DPYD: variants seen among roughly 807,000 people sequenced by gnomAD.
DPYD encodes dihydropyrimidine dehydrogenase, also known as dihydropyrimidine dehydrogenase [NADP(+)].
In DPYD, 109 loss-of-function variants were observed where a neutral mutation model predicts 116.2. That is an observed-to-expected ratio of 0.94 (90% CI 0.80 to 1.10). DPYD has a LOEUF of 1.10. Ranked by LOEUF, DPYD falls within the 50% of genes least tolerant of loss-of-function variation. The probability of loss-of-function intolerance (pLI) is 0.00; values close to 1 mark genes in which losing one functional copy is unlikely to be tolerated. For synonymous variants in DPYD, 440 were observed against 432.0 expected, an observed-to-expected ratio of 1.02 and a Z score of -0.23; for missense variants, 1,302 against 1,254.5, an observed-to-expected ratio of 1.04 and a Z score of -0.57.
chr1:97,552,863 T>C (rs1044452719), intron 11 of DPYD, among the ~76,000 whole-genome samples: 1 of 151,954 alleles, frequency 6.6e-6, no homozygotes, highest in African/African-American at 2.4e-5. Context: ...TGTTCCTAAT[T>C]TCATTCCAGA....
rs1298303801 is a variant in DPYD, at chr1:97,288,326, C to T, written c.2299+16933G>A. 4.0e-5 allele frequency among the ~76,000 whole-genome samples: 6 copies of T among 150,778 alleles called. No individual in the cohort carries two copies. The South Asian group carries it at 1.1e-3, about 27-fold the overall frequency. On this transcript the variant is annotated intron_variant, in intron 18 of 22. Transcript: ENST00000370192. ...CACAGGAATTCAACTCAGCTCTGCA[C>T]CAAGGGGACCTAATAGACATCTACA... is the stretch of plus-strand genomic sequence containing the variant.
rs542269395 is a variant in DPYD, at chr1:97,429,432, A to T, written c.1905+20627T>A. On this transcript the variant is annotated intron_variant, in intron 14 of 22. Transcript: ENST00000370192. ...TTCATCTGCCTTAATCATAAACAGA[A>T]AGAAGTATCTTATTTTCTCTTTATT... Among the ~76,000 whole-genome samples, 11 of 152,186 alleles carry T rather than the reference A, an allele frequency of 7.2e-5. No individual in the cohort carries two copies. In the South Asian group the frequency reaches 2.3e-3, roughly 32 times the overall value.
chr1:97,837,848 T>C (rs147205659), intron 2 of DPYD, among the ~76,000 whole-genome samples: 15 of 152,232 alleles, frequency 9.9e-5, no homozygotes, highest in African/African-American at 3.4e-4. Context: ...AGTAGGCAAA[T>C]AGAAGCAGGG....
intron 5 of DPYD, chr1:97,720,635 TG>T (rs1195904732): frequency 1.6e-6 from 2 of 1,255,788 alleles, no homozygotes; most frequent in African/African-American, 3.1e-5. Context: ...AGGAATATTA[TG>T]GGAAGGGTCC....
Position 97,218,397 on chromosome 1 carries a change from G to C in DPYD, c.2442+16455C>G, listed in dbSNP as rs533812485. 3.3e-5 allele frequency among the ~76,000 whole-genome samples: 5 copies of C among 152,070 alleles called. No individual in the cohort carries two copies. In the South Asian group the frequency reaches 8.3e-4, roughly 25 times the overall value. On this transcript the variant is annotated intron_variant, in intron 19 of 22. Coordinates refer to ENST00000370192, the MANE Select transcript of DPYD (RefSeq NM_000110.4). The stretch of plus-strand genomic sequence containing the variant: ...ATTAGGTATATACAGGTATAAGGTA[G>C]AGCAATTCAGCTTTAATTTCATCTC...
intron 18 of DPYD, among the ~76,000 whole-genome samples, chr1:97,266,681 C>T (rs1026028991): frequency 1.3e-5 from 2 of 152,048 alleles, no homozygotes; most frequent in African/African-American, 2.4e-5. Context: ...CCTCCCCCTG[C>T]CCCCCACCTC....
chr1:97,311,146 T>C (rs1450762916), intron 16 of DPYD, among the ~76,000 whole-genome samples: 1 of 151,698 alleles, frequency 6.6e-6, no homozygotes, highest in African/African-American at 2.4e-5. Flanking sequence ...AAATGTTCCA[T>C]TTTCTTTAAA....
chr1:97,894,552 G>A (rs2101668280), intron 1 of DPYD, among the ~76,000 whole-genome samples: 1 of 151,560 alleles, frequency 6.6e-6, no homozygotes, highest in South Asian at 2.1e-4. Context: ...AACCAAAGGA[G>A]ATATTTTAAA....
chr1:97,421,406 C>T (rs962751583), intron 14 of DPYD, among the ~76,000 whole-genome samples: 6 of 151,954 alleles, frequency 3.9e-5, no homozygotes, highest in Admixed American at 1.3e-4. Context: ...CACTAAGACT[C>T]GTGAGGTTAT....
intron 14 of DPYD, among the ~76,000 whole-genome samples, chr1:97,417,816 T>C (rs1431536224): frequency 2.0e-5 from 3 of 152,140 alleles, no homozygotes; most frequent in Admixed American, 2.0e-4. Context: ...TAATGGAACA[T>C]TGAAGTAAAT....
intron 3 of DPYD, among the ~76,000 whole-genome samples, chr1:97,803,536 C>A (rs1488933063): frequency 6.6e-6 from 1 of 151,824 alleles, no homozygotes; most frequent in African/African-American, 2.4e-5. Context: ...TATGGACACA[C>A]ATACTTCTAT....
chr1:97,257,507 T>C (rs1257179895), intron 18 of DPYD, among the ~76,000 whole-genome samples: 1 of 149,630 alleles, frequency 6.7e-6, no homozygotes, highest in East Asian at 2.0e-4. Flanking sequence ...ACATATACCA[T>C]ATCTCTATAT....
At chr1:97,175,966 C>A (rs1657224988) in intron 20 of DPYD, among the ~76,000 whole-genome samples, 2 of 152,296 alleles carry the variant, frequency 1.3e-5, no homozygotes, top group African/African-American at 4.8e-5. Flanking sequence ...CAGTCTGGAA[C>A]ACATTTTCCC....
At chr1:97,157,387 T>A (rs1381844889) in intron 20 of DPYD, among the ~76,000 whole-genome samples, 3 of 152,208 alleles carry the variant, frequency 2.0e-5, no homozygotes, top group Non-Finnish European at 4.4e-5. Context: ...AGATCCCTTT[T>A]CAGTGTATTA....
chr1:97,406,410 ATTTT>A (rs959779224), intron 14 of DPYD, among the ~76,000 whole-genome samples: 3 of 132,652 alleles, frequency 2.3e-5, no homozygotes, highest in African/African-American at 8.5e-5. Flanking sequence ...TTATTTATTT[ATTTT>A]TATTATACTT....
intron 13 of DPYD, among the ~76,000 whole-genome samples, chr1:97,492,498 G>A (rs1239683475): frequency 6.6e-6 from 1 of 152,054 alleles, no homozygotes; most frequent in East Asian, 1.9e-4. Flanking sequence ...ACCCTTGCAT[G>A]CTTTATTACA....
intron 3 of DPYD, among the ~76,000 whole-genome samples, chr1:97,789,659 A>G (rs780587766): frequency 1.2e-4 from 19 of 152,178 alleles, no homozygotes; most frequent in Admixed American, 1.0e-3. Context: ...TTCCAAGCCC[A>G]TATGACCTCA....
intron 4 of DPYD, among the ~76,000 whole-genome samples, chr1:97,739,273 T>C (rs1019295373): frequency 2.0e-5 from 3 of 152,108 alleles, no homozygotes; most frequent in Non-Finnish European, 4.4e-5. Context: ...ATCACTATAT[T>C]AGACATTTTC....
At chr1:97,660,559 T>C (rs982578510) in intron 8 of DPYD, among the ~76,000 whole-genome samples, 1 of 152,160 alleles carries the variant, frequency 6.6e-6, no homozygotes, top group Non-Finnish European at 1.5e-5. Context: ...ATACAGTTTC[T>C]TCACACTACT....
Sources: allele counts gnomAD v4.1 joint callset (sites outside exome capture counted in the v4.1 genomes callset), GRCh38; gene constraint gnomAD v4.1.1; transcripts MANE v1.5; gene names NCBI Gene and HGNC (gene_info 2026-07-23, HGNC 2026-07-21).